The following NCOA6 variants were observed in gnomAD, a reference collection of about 807,000 sequenced individuals.
The protein encoded by NCOA6 is nuclear receptor coactivator 6, also known as NRC RAP250.
A neutral mutation model predicts 171.4 loss-of-function variants in NCOA6; 49 were observed. That is an observed-to-expected ratio of 0.29 (90% confidence interval 0.23 to 0.36). The LOEUF (loss-of-function observed/expected upper bound fraction) is 0.36. Among genes scored for constraint, NCOA6 ranks in the 10% least tolerant of loss-of-function variants. The pLI, the probability that NCOA6 is intolerant of heterozygous loss-of-function variation, is 1.00. For synonymous variants in NCOA6, 910 were observed against 927.5 expected (o/e 0.98, Z 0.34); for missense variants, 2,248 against 2,554.5 (o/e 0.88, Z 2.59).
chr20:34,771,077 T>C (rs2077135473), intron 4 of NCOA6, among the ~76,000 whole-genome samples: 1 of 152,270 alleles, frequency 6.6e-6, no homozygotes, highest in Non-Finnish European at 1.5e-5. Flanking sequence ...TTATTTTACT[T>C]AATACATTCA....
In NCOA6 at chr20:34,776,273, C is replaced by T; in HGVS notation, c.391+20G>A. 1 of 1,611,014 alleles carries T rather than the reference C, an allele frequency of 6.2e-7. No individual in the cohort carries two copies. The highest frequency in any genetic ancestry group is 8.5e-7 in the Non-Finnish European group (1 of 1,178,866). On this transcript the variant is annotated intron_variant, in intron 4 of 14. Transcript: ENST00000359003. Reference sequence around the variant, plus strand: ...TTGTAATGATTCTGGTCTAGATGGGCACATGGCAAAGTAAAAGACCTTCAA... The same window carrying T: ...TTGTAATGATTCTGGTCTAGATGGGTACATGGCAAAGTAAAAGACCTTCAA...
intron 4 of NCOA6, among the ~76,000 whole-genome samples, chr20:34,771,756 C>T (rs963084453): frequency 3.3e-5 from 5 of 152,206 alleles, no homozygotes; most frequent in African/African-American, 4.8e-5. Context: ...TAGAACAGTT[C>T]TCTGCACTCT....
In NCOA6 at chr20:34,742,637, A is replaced by C; in HGVS notation, c.3619T>G (p.Ser1207Ala). The C allele has an allele frequency of 6.2e-7, 1 of 1,613,924 alleles. No homozygotes were observed. Among genetic ancestry groups the C allele is most frequent in the African/African-American group, 1.3e-5 (1 of 74,948 alleles). Residue 1207 changes from serine (S) to alanine (A), a missense_variant, in exon 11 of 15, where the codon TCT becomes GCT. This residue lies in a region of NCOA6 where 352 missense variants were observed against 419.1 expected (regional missense o/e 0.84). Coordinates refer to ENST00000359003, the MANE Select transcript of NCOA6 (RefSeq NM_014071.5). ...FPNVAAPTQT[S>A]RPKTPNRASP... ...GCTCTGTTTGGTGTTTTGGGCCTAG[A>C]TGTCTGGGTTGGCGCAGCCACATTT...
At chr20:34,753,702 A>G (rs944365217) in intron 8 of NCOA6, among the ~76,000 whole-genome samples, 6 of 152,130 alleles carry the variant, frequency 3.9e-5, no homozygotes, top group Admixed American at 3.9e-4. Context: ...ATGAATTCAT[A>G]TAACTCAGGA....
Position 34,758,945 on chromosome 20 carries a change from A to T in NCOA6, c.515-12T>A. ...CATCCTTATTATTCCTAGAAAAAAG[A>T]TCCCTAAAATAGAGTACTGGAATTG... On this transcript the variant is annotated splice_polypyrimidine_tract_variant and intron_variant, in intron 5 of 14. Transcript: ENST00000359003. The T allele has an allele frequency of 6.2e-7, 1 of 1,613,132 alleles. No individual in the cohort carries two copies. Among genetic ancestry groups the T allele is most frequent in the Non-Finnish European group, 8.5e-7 (1 of 1,179,624 alleles).
At chr20:34,770,593 GTTCCATT>G (rs1460979726) in intron 4 of NCOA6, among the ~76,000 whole-genome samples, 2 of 151,906 alleles carry the variant, frequency 1.3e-5, no homozygotes, top group Non-Finnish European at 2.9e-5. Flanking sequence ...CTTAAAAACA[GTTCCATT>G]GCTTCCCACT....
chr20:34,760,327 G>A (rs549572681), intron 5 of NCOA6, among the ~76,000 whole-genome samples: 6 of 152,242 alleles, frequency 3.9e-5, no homozygotes, highest in Admixed American at 3.9e-4. Context: ...CCTTTCCTTG[G>A]CTACAGAATT....
intron 1 of NCOA6, among the ~76,000 whole-genome samples, chr20:34,812,421 G>A (rs935134448): frequency 2.6e-5 from 4 of 152,048 alleles, no homozygotes; most frequent in Non-Finnish European, 5.9e-5. Flanking sequence ...AACAACCCTG[G>A]TTTGCTCTTG....
intron 1 of NCOA6, among the ~76,000 whole-genome samples, chr20:34,816,173 C>A (rs2078828986): frequency 6.6e-6 from 1 of 152,202 alleles, no homozygotes. Context: ...CCATTTGTTG[C>A]AATCTTACCC....
rs190574310 is a variant in NCOA6 at position 34,756,211 on chromosome 20, C to G, written c.1528+1009G>C. On this transcript the variant is annotated intron_variant, in intron 7 of 14. Coordinates refer to ENST00000359003, the MANE Select transcript of NCOA6 (RefSeq NM_014071.5). ...AGCTTCCACTGATCTGGGGTAGATA[C>G]CCAGAACAGTGAAATTTGGAGCTGA... Among the ~76,000 whole-genome samples, 177 of 152,244 alleles carry G rather than the reference C, an allele frequency of 1.2e-3. 2 individuals are homozygous for G. The East Asian group carries it at 0.031, about 26-fold the overall frequency.
chr20:34,821,543 T>TTTATCAATGAGAA (rs1167569131), intron 1 of NCOA6: 1 of 152,072 alleles, frequency 6.6e-6, no homozygotes, highest in Non-Finnish European at 1.5e-5. Flanking sequence ...AAAAAAACCT[T>TTTATCAATGAGAA]TTCGCCCTTA....
At position 34,741,880 on chromosome 20, in the gene NCOA6, T is replaced by C. The variant is rs764754232; in HGVS notation, c.4376A>G (p.Lys1459Arg). The C allele has an allele frequency of 6.2e-7, 1 of 1,614,204 alleles. No individual in the cohort carries two copies. The highest frequency in any genetic ancestry group is 1.1e-5 in the South Asian group (1 of 91,082). The change falls in exon 11 of 15, where the codon AAA (lysine) becomes AGA (arginine). Residue 1459 changes from lysine (K) to arginine (R), a missense_variant. Transcript: ENST00000359003. Reference sequence around the variant, plus strand: ...AGGATCCGAAGGCTGCCCATCCTTTTTGGACTGATCTTCAGGGACAACCAT... The same window carrying C: ...AGGATCCGAAGGCTGCCCATCCTTTCTGGACTGATCTTCAGGGACAACCAT... ...VKMVVPEDQS[K>R]KDGQPSDPNK... is the part of the protein sequence containing the mutation.
chr20:34,798,788 T>C (rs1198605861), intron 1 of NCOA6, among the ~76,000 whole-genome samples: 1 of 152,172 alleles, frequency 6.6e-6, no homozygotes, highest in Non-Finnish European at 1.5e-5. Context: ...CCACCTAATG[T>C]AGATACAAAT....
intron 9 of NCOA6, among the ~76,000 whole-genome samples, chr20:34,748,303 G>C (rs1446999740): frequency 2.0e-5 from 3 of 152,098 alleles, no homozygotes; most frequent in African/African-American, 7.2e-5. Context: ...GGAAAATATA[G>C]GTTATCATTA....
At chr20:34,769,472 T>C (rs950543355) in intron 4 of NCOA6, among the ~76,000 whole-genome samples, 1 of 151,486 alleles carries the variant, frequency 6.6e-6, no homozygotes, top group African/African-American at 2.4e-5. Context: ...CAAGGGATTC[T>C]CCTACCTCAG....
intron 4 of NCOA6, among the ~76,000 whole-genome samples, chr20:34,774,943 G>A (rs1600965847): frequency 6.6e-6 from 1 of 152,192 alleles, no homozygotes; most frequent in Non-Finnish European, 1.5e-5. Flanking sequence ...ACAAACTTTT[G>A]TGAGAGCACA....
intron 14 of NCOA6, among the ~76,000 whole-genome samples, chr20:34,726,011 G>C (rs1455047080): frequency 1.3e-5 from 2 of 152,172 alleles, no homozygotes; most frequent in Non-Finnish European, 2.9e-5. Context: ...GGTGACTCAG[G>C]ATCAAAGTCT....
intron 1 of NCOA6, among the ~76,000 whole-genome samples, chr20:34,825,083 T>C (rs1358214157): frequency 1.3e-5 from 2 of 151,862 alleles, no homozygotes; most frequent in East Asian, 3.9e-4. Context: ...GTGTTCCTTC[T>C]CCGCGACCCT....
rs1314110005 is a variant in NCOA6, at chr20:34,768,515, C to T, written c.463G>A (p.Ala155Thr). The T allele has an allele frequency of 6.2e-6, 10 of 1,614,186 alleles. No homozygotes were observed. Among genetic ancestry groups the T allele is most frequent in the Non-Finnish European group, 8.5e-6 (10 of 1,180,024 alleles). ...GCCTCCATCCTAACTGAATTTCCAG[C>T]TCCCATGGGTCCATTCATTCTCACA... ...QDVRMNGPMG[A>T]GNSVRMEAGF... Residue 155 changes from alanine to threonine, a missense_variant, in exon 5 of 15, where the codon GCT (alanine) becomes ACT (threonine). Around this residue, in one of 7 missense-constraint regions of NCOA6, gnomAD observed 987 missense variants for 1,104.7 expected, o/e 0.89. Coordinates refer to ENST00000359003, the MANE Select transcript of NCOA6 (RefSeq NM_014071.5).
Sources: gnomAD v4.1 joint callset for allele counts (sites outside exome capture counted in the v4.1 genomes callset) on GRCh38, gnomAD v4.1.1 for gene constraint, gnomAD v4.1.1 regional missense constraint, MANE v1.5 for transcripts, NCBI Gene and HGNC (gene_info 2026-07-23, HGNC 2026-07-21) for gene names.